The following AFF2 variants were observed in gnomAD, a reference collection of about 807,000 sequenced individuals.
The protein encoded by AFF2 is AF4/FMR2 family member 2.
A neutral mutation model predicts 76.9 loss-of-function variants in AFF2; 14 were observed. That is an observed-to-expected ratio of 0.18 (90% CI 0.12 to 0.28). The LOEUF is 0.28. AFF2 is among the 10% of genes least tolerant of loss of function. AFF2 has a pLI of 1.00. For missense variants in AFF2, 868 were observed against 1,001.1 expected (o/e 0.87, Z 1.79); for synonymous variants, 398 against 366.7 (o/e 1.09, Z -0.98).
At chrX:148,561,620 TTACCTG>T (rs1217327587) in intron 1 of AFF2, among the ~76,000 whole-genome samples, 2 of 111,278 alleles carry the variant, frequency 1.8e-5, no homozygotes, top group Admixed American at 1.9e-4. Context: ...ATGCCAATCC[TTACCTG>T]TACCTCGTCT....
chrX:148,784,242 C>T (rs1349247165), intron 3 of AFF2, among the ~76,000 whole-genome samples: 1 of 112,266 alleles, frequency 8.9e-6, no homozygotes, highest in Non-Finnish European at 1.9e-5. Flanking sequence ...GTGAGTACCA[C>T]CTGGTTACTG....
intron 4 of AFF2, among the ~76,000 whole-genome samples, chrX:148,833,601 C>CAA (rs66560290): frequency 1.0e-5 from 1 of 96,559 alleles, no homozygotes. Flanking sequence ...GACGCTGTCT[C>CAA]AAAAAAAAAA....
rs147137717 is a variant in AFF2 at position 148,537,797 on chromosome X, C to T, written c.47+36653C>T. On this transcript the variant is annotated intron_variant, in intron 1 of 20. Transcript: ENST00000370460. ...GATGCTGCCCCTTTGTTCTGTCCTC[C>T]TGAAATGAAGCGCTGATAGCAGAAG... Among the ~76,000 whole-genome samples, 395 of 111,276 alleles carry T rather than the reference C, an allele frequency of 3.5e-3. 4 individuals are homozygous for T. The East Asian group carries it at 0.041, about 12-fold the overall frequency.
intron 1 of AFF2, among the ~76,000 whole-genome samples, chrX:148,625,967 G>A (rs1051515921): frequency 1.8e-5 from 2 of 112,028 alleles, no homozygotes; most frequent in Admixed American, 1.9e-4. Flanking sequence ...AGAGGTGCAC[G>A]AGTTATATTA....
chrX:148,862,551 C>A (rs2070861256), intron 7 of AFF2, among the ~76,000 whole-genome samples: 1 of 111,689 alleles, frequency 9.0e-6, no homozygotes, highest in East Asian at 2.8e-4. Flanking sequence ...CGCCAGTAAT[C>A]CAGAGCTGAT....
rs1557293824 is a variant in AFF2 at position 148,999,118 on chromosome X, G to A, written c.*7786G>A. On this transcript the variant is annotated 3_prime_UTR_variant, in exon 21 of 21. Coordinates refer to ENST00000370460, the MANE Select transcript of AFF2 (RefSeq NM_002025.4). The stretch of plus-strand genomic sequence containing the variant: ...TTAATAATATCCTCTGAGACCTAAT[G>A]CAGTTTAACAAATGACTCCACCTAT... The A allele has an allele frequency of 9.0e-6, 1 of 111,516 alleles. No individual in the cohort carries two copies. Among genetic ancestry groups the A allele is most frequent in the East Asian group, 2.8e-4 (1 of 3,537 alleles). The allele number at this position is 111,516 out of a possible 1,213,427, so 9.2% of individuals were successfully genotyped here.
intron 3 of AFF2, among the ~76,000 whole-genome samples, chrX:148,738,007 G>A (rs782100640): frequency 4.5e-5 from 5 of 111,014 alleles, no homozygotes; most frequent in Admixed American, 9.6e-5. Flanking sequence ...ATATGTTGTC[G>A]GATTCGGTTA....
chrX:148,795,852 T>A (rs868934178), intron 3 of AFF2, among the ~76,000 whole-genome samples: 1 of 41,132 alleles, frequency 2.4e-5, no homozygotes, highest in Non-Finnish European at 4.5e-5. Context: ...TATATATATA[T>A]ATATATATAT....
At chrX:148,796,926 G>GT (rs2069991329) in intron 3 of AFF2, among the ~76,000 whole-genome samples, 1 of 309 alleles carries the variant, frequency 3.2e-3, no homozygotes, top group Non-Finnish European at 6.2e-3. Context: ...TTGGCCTTGG[G>GT]GCAACAGGTT....
Position 148,837,629 on chromosome X carries a change from T to G in AFF2, c.1087-18T>G. 9.4e-7 allele frequency: 1 copy of G among 1,061,079 alleles called. No homozygotes were observed. The highest frequency in any genetic ancestry group is 1.3e-6 in the Non-Finnish European group (1 of 760,675). The allele number at this position is 1,061,079 out of a possible 1,213,427, so 87.4% of individuals were successfully genotyped here. On this transcript the variant is annotated intron_variant, in intron 4 of 20. Transcript: ENST00000370460. Reference sequence around the variant, plus strand: ...TTTAATTGCCCTGAAATAAAGTTTCTTTATTTTTCCTCATTAGGAGATGAC... The same window carrying G: ...TTTAATTGCCCTGAAATAAAGTTTCGTTATTTTTCCTCATTAGGAGATGAC...
intron 3 of AFF2, among the ~76,000 whole-genome samples, chrX:148,747,719 A>G (rs186013257): frequency 8.9e-6 from 1 of 112,020 alleles, no homozygotes; most frequent in African/African-American, 3.2e-5. Flanking sequence ...TGGGCATTAC[A>G]TATTCAAAAC....
At chrX:148,610,134 G>T (rs1340373526) in intron 1 of AFF2, among the ~76,000 whole-genome samples, 1 of 111,692 alleles carries the variant, frequency 9.0e-6, no homozygotes, top group Non-Finnish European at 1.9e-5. Flanking sequence ...AGAGAGAGGG[G>T]GGTGGAAGAG....
chrX:148,506,687 A>G (rs2052422839), intron 1 of AFF2, among the ~76,000 whole-genome samples: 1 of 111,319 alleles, frequency 9.0e-6, no homozygotes, highest in Non-Finnish European at 1.9e-5. Flanking sequence ...AAAGAAGACC[A>G]TGGTATATTT....
chrX:148,527,652 A>G (rs782370819), intron 1 of AFF2, among the ~76,000 whole-genome samples: 5 of 111,801 alleles, frequency 4.5e-5, no homozygotes, highest in African/African-American at 1.3e-4. Context: ...CGTGAAAGAT[A>G]TATAGGCTAT....
intron 1 of AFF2, among the ~76,000 whole-genome samples, chrX:148,623,288 T>A (rs1393326650): frequency 9.0e-6 from 1 of 111,065 alleles, no homozygotes; most frequent in East Asian, 2.9e-4. Context: ...ATGAGTGTTA[T>A]TTAGTATTGA....
At chrX:148,880,056 G>T (rs1341894538) in intron 7 of AFF2, among the ~76,000 whole-genome samples, 1 of 112,424 alleles carries the variant, frequency 8.9e-6, no homozygotes, top group Non-Finnish European at 1.9e-5. Context: ...CACTGGGCTA[G>T]GGGTCCACCC....
rs190510850 is a variant in AFF2 at position 148,607,016 on chromosome X, G to A, written c.48-44983G>A. Among the ~76,000 whole-genome samples, 9 of 111,218 alleles carry A rather than the reference G, an allele frequency of 8.1e-5. 1 individual carries two copies. The highest frequency in any genetic ancestry group is 6.7e-4 in the Admixed American group (7 of 10,488). On this transcript the variant is annotated intron_variant, in intron 1 of 20. Coordinates refer to ENST00000370460, the MANE Select transcript of AFF2 (RefSeq NM_002025.4). ...AAGGCAATTATAAGAAATTGGCTTC[G>A]TGTGCCATGCAACATGTTTAGGGTC...
chrX:148,642,267 G>T, intron 1 of AFF2, among the ~76,000 whole-genome samples: 1 of 112,332 alleles, frequency 8.9e-6, no homozygotes, highest in Middle Eastern at 4.6e-3. Context: ...GGATCAAAGG[G>T]TTTGTTGAGA....
intron 9 of AFF2, among the ~76,000 whole-genome samples, chrX:148,907,223 G>T (rs1426688757): frequency 8.9e-6 from 1 of 112,340 alleles, no homozygotes; most frequent in Non-Finnish European, 1.9e-5. Context: ...CAAGTTTACG[G>T]AATGAATAAG....
Sources: allele counts gnomAD v4.1 joint callset (sites outside exome capture counted in the v4.1 genomes callset), GRCh38; gene constraint gnomAD v4.1.1; transcripts MANE v1.5; gene names NCBI Gene and HGNC (gene_info 2026-07-23, HGNC 2026-07-21).